Variants in PCDHGB6 observed in about 807,000 individuals in gnomAD.
The protein encoded by PCDHGB6 is protocadherin gamma subfamily B, 6.
Under a neutral mutation model 59.1 loss-of-function variants are expected in PCDHGB6, and 51 were observed. That is an observed-to-expected ratio of 0.86 (90% confidence interval 0.69 to 1.09). The LOEUF is 1.09. Among genes scored for constraint, PCDHGB6 ranks in the 50% least tolerant of loss-of-function variants. The pLI, the probability that PCDHGB6 is intolerant of heterozygous loss-of-function variation, is 0.00. For synonymous variants in PCDHGB6, 466 were observed against 495.1 expected (o/e 0.94, Z 0.78); for missense variants, 1,148 against 1,205.1 (o/e 0.95, Z 0.70).
At position 141,414,753 on chromosome 5, in the gene PCDHGB6, T is replaced by C. The variant is rs10041534; in HGVS notation, c.2418+4133T>C. 7.9e-4 allele frequency: 1,273 copies of C among 1,614,202 alleles called. 15 individuals carry two copies. The African/African-American group carries it at 0.015, about 19-fold the overall frequency. ...TGTATGCACTCAGATCCTTCGACTA[T>C]GAGCAGTTTCATGAGCTACAGATGC... On this transcript the variant is annotated intron_variant, in intron 1 of 3. Transcript: ENST00000520790.
chr5:141,432,659 G>A lies in PCDHGB6; in HGVS notation c.2418+22039G>A. On this transcript the variant is annotated intron_variant, in intron 1 of 3. Coordinates refer to ENST00000520790, the MANE Select transcript of PCDHGB6 (RefSeq NM_018926.3). This position sits in a 1 kb window ranked among gnomAD's most constrained non-coding sequence, Gnocchi z 6.0. ...GGTGCGCACGGCGCGAGCCCTGCTG[G>A]ACAGAGACGCGCTCAAGCAGAGCCT... 1 of 1,613,884 alleles carries A rather than the reference G, an allele frequency of 6.2e-7. No homozygotes were observed. The highest frequency in any genetic ancestry group is 8.5e-7 in the Non-Finnish European group (1 of 1,179,956).
At position 141,410,184 on chromosome 5, in the gene PCDHGB6, A is replaced by AT; in HGVS notation, c.1983dup (p.Leu662SerfsTer22). 6.2e-7 allele frequency: 1 copy of AT among 1,613,918 alleles called. No individual in the cohort carries two copies. The highest frequency in any genetic ancestry group is 8.5e-7 in the Non-Finnish European group (1 of 1,179,828). On this transcript the variant is annotated frameshift_variant, in exon 1 of 4. Transcript: ENST00000520790. LOFTEE classifies it high-confidence loss of function. ...CCACTCTCTGCCACCGCCACGCTTC[A>AT]TCTGGTCTTCGCAGACAACTTGCAA... is the stretch of plus-strand genomic sequence containing the variant.
chr5:141,409,748 G>C lies in PCDHGB6; in HGVS notation c.1546G>C (p.Ala516Pro). The change falls in exon 1 of 4, where the codon GCG becomes CCG. Residue 516 changes from alanine to proline, a missense_variant. By Grantham distance (27) the Ala-to-Pro change is conservative. Around this residue, in one of 5 missense-constraint regions of PCDHGB6, gnomAD observed 549 missense variants for 527.5 expected, o/e 1.04. Coordinates refer to ENST00000520790, the MANE Select transcript of PCDHGB6 (RefSeq NM_018926.3). ...GAGCGCGCAGAGCGGGGTGGTGTTC[G>C]CGCAGCGCGCCTTTGATCACGAGCA... ...SVSAQSGVVF[A>P]QRAFDHEQLR... The C allele has an allele frequency of 1.2e-6, 2 of 1,613,018 alleles. No homozygotes were observed. The highest frequency in any genetic ancestry group is 2.2e-5 in the South Asian group (2 of 91,062).
intron 1 of PCDHGB6, chr5:141,421,458 T>C (rs2096575080): frequency 6.2e-7 from 1 of 1,614,122 alleles, no homozygotes; most frequent in Non-Finnish European, 8.5e-7. Flanking sequence ...AGCTTTTCGC[T>C]GTGAATCCGC....
intron 1 of PCDHGB6, among the ~76,000 whole-genome samples, chr5:141,470,036 C>T (rs573955901): frequency 5.3e-5 from 8 of 152,022 alleles, no homozygotes; most frequent in South Asian, 2.1e-4. Flanking sequence ...TGCTGAGGCG[C>T]GAGAACTGTT....
chr5:141,491,666 G>T lies in PCDHGB6; in HGVS notation c.2419-3141G>T, dbSNP rs373526771. Reference sequence around the variant, plus strand: ...CTGGCGCTGGAGCCTGACGCCATCCGGTCCCGCTCTAATACGCTGCGGGAG... The same window carrying T: ...CTGGCGCTGGAGCCTGACGCCATCCTGTCCCGCTCTAATACGCTGCGGGAG... On this transcript the variant is annotated intron_variant, in intron 1 of 3. Transcript: ENST00000520790. This position sits in a 1 kb window ranked among gnomAD's most constrained non-coding sequence, Gnocchi z 6.9. 1.2e-6 allele frequency: 2 copies of T among 1,613,732 alleles called. No homozygotes were observed. Among genetic ancestry groups the T allele is most frequent in the Non-Finnish European group, 1.7e-6 (2 of 1,180,008 alleles).
At position 141,491,137 on chromosome 5, in the gene PCDHGB6, GC is replaced by G. The variant is rs1373404184; in HGVS notation, c.2419-3668del. ...CACTGGTGAGGTGCGCACAGCCCGG[GC>G]CTTACTGGAGGATGACTCTGACACC... On this transcript the variant is annotated intron_variant, in intron 1 of 3. Transcript: ENST00000520790. This position sits in a 1 kb window ranked among gnomAD's most constrained non-coding sequence, Gnocchi z 6.9. The G allele has an allele frequency of 1.2e-6, 2 of 1,614,156 alleles. No individual in the cohort carries two copies. Among genetic ancestry groups the G allele is most frequent in the Non-Finnish European group, 1.7e-6 (2 of 1,180,008 alleles).
Position 141,409,522 on chromosome 5 carries a change from G to A in PCDHGB6, c.1320G>A (p.Leu440=), listed in dbSNP as rs371017853. ...TTTCTTCCAGTAGAAGCATCACCTT[G>A]TATGTCGCTGACATCAACGACAACG... The part of the protein sequence containing the change: ...PPLSSSRSIT[L]YVADINDNAP... Residue 440 remains leucine, a synonymous_variant, in exon 1 of 4, where the codon TTG becomes TTA. Coordinates refer to ENST00000520790, the MANE Select transcript of PCDHGB6 (RefSeq NM_018926.3). 1.9e-5 allele frequency: 30 copies of A among 1,613,874 alleles called. No individual in the cohort carries two copies. Among genetic ancestry groups the A allele is most frequent in the Non-Finnish European group, 2.3e-5 (27 of 1,179,908 alleles).
intron 2 of PCDHGB6, among the ~76,000 whole-genome samples, chr5:141,503,598 C>CA (rs765754054): frequency 0.15 from 9,705 of 65,252 alleles, 922 homozygotes; most frequent in African/African-American, 0.34. Context: ...GACTCCAGCT[C>CA]AAAAAAAAAA....
At chr5:141,488,519 G>C (rs1210943979) in intron 1 of PCDHGB6, among the ~76,000 whole-genome samples, 1 of 152,184 alleles carries the variant, frequency 6.6e-6, no homozygotes, top group Non-Finnish European at 1.5e-5. Flanking sequence ...GGGGTCTGGG[G>C]TGTCAGAAAA....
At chr5:141,479,671 G>A (rs1484965995) in intron 1 of PCDHGB6, 1 of 152,196 alleles carries the variant, frequency 6.6e-6, no homozygotes, top group Non-Finnish European at 1.5e-5. Flanking sequence ...AACTACAAAA[G>A]GAGAGTCTTT....
At chr5:141,424,525 A>G (rs1010194490) in intron 1 of PCDHGB6, 2 of 152,196 alleles carry the variant, frequency 1.3e-5, no homozygotes, top group Non-Finnish European at 2.9e-5. Context: ...TAGTAAATCC[A>G]TATATAGAAA....
intron 1 of PCDHGB6, among the ~76,000 whole-genome samples, chr5:141,443,789 A>G (rs1316614117): frequency 6.6e-6 from 1 of 152,234 alleles, no homozygotes; most frequent in East Asian, 1.9e-4. Context: ...GACAAAAAAA[A>G]TGAAAAGGAA....
rs754268147 is a variant in PCDHGB6, at chr5:141,410,352, G to C, written c.2150G>C (p.Arg717Pro). ...CTGGCCATTGCCTTGCGCCTGCGAC[G>C]CTCTCTCAGCCCTGCTACTTGGGAC... ...VILAIALRLR[R>P]SLSPATWDCF... is the part of the protein sequence containing the mutation. The change falls in exon 1 of 4, where the codon CGC becomes CCC. Residue 717 changes from arginine (R) to proline (P), a missense_variant. Arg to Pro is a moderately radical substitution (Grantham distance 103). Coordinates refer to ENST00000520790, the MANE Select transcript of PCDHGB6 (RefSeq NM_018926.3). The C allele has an allele frequency of 6.2e-6, 10 of 1,614,022 alleles. No homozygotes were observed. In the South Asian group the frequency reaches 1.1e-4, roughly 18 times the overall value.
chr5:141,441,861 C>T (rs3805696), intron 1 of PCDHGB6: 35,405 of 342,650 alleles, frequency 0.1, 2,215 homozygotes, highest in African/African-American at 0.17. Context: ...TGCTGCACGC[C>T]GCGGAGCCTG....
intron 1 of PCDHGB6, chr5:141,479,494 G>C (rs747201739): frequency 2.6e-5 from 4 of 152,256 alleles, no homozygotes; most frequent in Non-Finnish European, 5.9e-5. Flanking sequence ...CCATCAGGTT[G>C]CCTAAAGAGG....
intron 3 of PCDHGB6, among the ~76,000 whole-genome samples, chr5:141,508,792 CT>C (rs1475631459): frequency 6.6e-6 from 1 of 152,130 alleles, no homozygotes; most frequent in Non-Finnish European, 1.5e-5. Flanking sequence ...CTAAATCACT[CT>C]GGAATCCTGG....
At chr5:141,423,332 C>T in intron 1 of PCDHGB6, 1 of 1,614,198 alleles carries the variant, frequency 6.2e-7, no homozygotes, top group South Asian at 1.1e-5. Flanking sequence ...GCCGCAGTCT[C>T]CTGCATCTTC....
At chr5:141,415,372 G>A in intron 1 of PCDHGB6, 1 of 1,614,252 alleles carries the variant, frequency 6.2e-7, no homozygotes, top group Non-Finnish European at 8.5e-7. Flanking sequence ...GCAGGCTTCA[G>A]GAGGCGGCTT....
Sources: allele counts gnomAD v4.1 joint callset (sites outside exome capture counted in the v4.1 genomes callset), GRCh38; gene constraint gnomAD v4.1.1; regional missense constraint gnomAD v4.1.1; non-coding constraint Gnocchi (gnomAD v3.1); transcripts MANE v1.5; gene names NCBI Gene and HGNC (gene_info 2026-07-23, HGNC 2026-07-21).